RABGAP1L: variants seen among roughly 807,000 people sequenced by gnomAD.
The protein encoded by RABGAP1L is rab GTPase-activating protein 1-like.
Under a neutral mutation model 137.7 loss-of-function variants are expected in RABGAP1L, and 63 were observed. That is an observed-to-expected ratio of 0.46 (90% CI 0.37 to 0.56). The LOEUF is 0.56. Among genes scored for constraint, RABGAP1L ranks in the 20% least tolerant of loss-of-function variants. RABGAP1L has a pLI of 0.00. For synonymous variants in RABGAP1L, 431 were observed against 433.7 expected, an observed-to-expected ratio of 0.99 and a Z score of 0.08; for missense variants, 1,095 against 1,244.0, an observed-to-expected ratio of 0.88 and a Z score of 1.80.
In RABGAP1L at chr1:174,436,407, C is replaced by G. The variant is rs538356236; in HGVS notation, c.1710+42262C>G. Among the ~76,000 whole-genome samples the G allele has an allele frequency of 2.0e-3, 298 of 152,232 alleles. 4 individuals are homozygous for G. Among genetic ancestry groups the G allele is most frequent in the East Asian group, 0.019 (97 of 5,172 alleles). ...GATTTGCATTTCTCTGATGGCCAGT[C>G]ATGATGAGCATTTTTTCATGTGTTT... On this transcript the variant is annotated intron_variant, in intron 13 of 25. Coordinates refer to ENST00000681986, the MANE Select transcript of RABGAP1L (RefSeq NM_001366446.1).
chr1:174,943,919 A>G (rs1008604695), intron 19 of RABGAP1L, among the ~76,000 whole-genome samples: 1 of 152,202 alleles, frequency 6.6e-6, no homozygotes, highest in African/African-American at 2.4e-5. Flanking sequence ...TACCTGCTAC[A>G]TAGTAAATAG....
At position 174,477,705 on chromosome 1, in the gene RABGAP1L, C is replaced by G. The variant is rs547978193; in HGVS notation, c.1710+83560C>G. ...ACAACATTGTAGTGTGCAATAGGAA[C>G]CCTTATATAATGTGTGAAATGGTAA... On this transcript the variant is annotated intron_variant, in intron 13 of 25. Transcript: ENST00000681986. Among the ~76,000 whole-genome samples the G allele has an allele frequency of 2.6e-5, 4 of 152,052 alleles. No individual in the cohort carries two copies. In the East Asian group the frequency reaches 7.7e-4, roughly 29 times the overall value.
At chr1:174,980,264 A>G (rs1670981462) in intron 23 of RABGAP1L, among the ~76,000 whole-genome samples, 1 of 152,204 alleles carries the variant, frequency 6.6e-6, no homozygotes, top group Non-Finnish European at 1.5e-5. Context: ...ACGATTGATA[A>G]ATAAAACTTT....
intron 17 of RABGAP1L, among the ~76,000 whole-genome samples, chr1:174,727,025 C>T (rs532061154): frequency 3.3e-5 from 5 of 152,188 alleles, no homozygotes; most frequent in African/African-American, 1.2e-4. Context: ...TCCTCAGGCA[C>T]CTTTCTTGTA....
intron 19 of RABGAP1L, among the ~76,000 whole-genome samples, chr1:174,922,607 C>G (rs987877140): frequency 1.3e-5 from 2 of 152,104 alleles, no homozygotes; most frequent in African/African-American, 4.8e-5. Context: ...TGAATAAGGA[C>G]CAGGCCTTTG....
chr1:174,856,279 C>G (rs527741111), intron 19 of RABGAP1L, among the ~76,000 whole-genome samples: 14 of 152,058 alleles, frequency 9.2e-5, no homozygotes, highest in African/African-American at 3.4e-4. Flanking sequence ...ACCTGTAGTC[C>G]CAGCTACTCG....
chr1:174,231,172 CAGG>C lies in RABGAP1L; in HGVS notation c.360_362del (p.Gly122del), dbSNP rs1343161965. The C allele has an allele frequency of 1.2e-6, 2 of 1,612,764 alleles. No homozygotes were observed. Among genetic ancestry groups the C allele is most frequent in the South Asian group, 2.2e-5 (2 of 90,990 alleles). Reference sequence around the variant, plus strand: ...ATTTCTACACCCAGACCATCTTCTCCAGGTGGACTACCTGAAGAAGATAGTGTT... The same window carrying C: ...ATTTCTACACCCAGACCATCTTCTCCTGGACTACCTGAAGAAGATAGTGTT... On this transcript the variant is annotated inframe_deletion, in exon 4 of 26. Coordinates refer to ENST00000681986, the MANE Select transcript of RABGAP1L (RefSeq NM_001366446.1).
At chr1:174,425,598 A>G (rs1005102381) in intron 13 of RABGAP1L, among the ~76,000 whole-genome samples, 4 of 152,088 alleles carry the variant, frequency 2.6e-5, no homozygotes, top group Admixed American at 1.3e-4. Flanking sequence ...TTATACTAAC[A>G]GAGTTTTATA....
At chr1:174,459,632 C>T (rs1656442054) in intron 13 of RABGAP1L, among the ~76,000 whole-genome samples, 1 of 152,064 alleles carries the variant, frequency 6.6e-6, no homozygotes, top group African/African-American at 2.4e-5. Context: ...TGTACAAATA[C>T]ATTTCAAGTA....
chr1:174,489,560 A>G (rs1191878621), intron 13 of RABGAP1L, among the ~76,000 whole-genome samples: 1 of 151,052 alleles, frequency 6.6e-6, no homozygotes, highest in Non-Finnish European at 1.5e-5. Flanking sequence ...GAGAAATAGG[A>G]ACACTTTTAT....
At chr1:174,275,686 G>C (rs1674937553) in intron 8 of RABGAP1L, 147 bp from the exon 9 acceptor site, 2 of 476,700 alleles carry the variant, frequency 4.2e-6, no homozygotes, top group Non-Finnish European at 7.4e-6. Context: ...GCTTTTGTAG[G>C]ATGAAAAGAA....
At chr1:174,941,279 C>G (rs769499904) in intron 19 of RABGAP1L, among the ~76,000 whole-genome samples, 2 of 152,152 alleles carry the variant, frequency 1.3e-5, no homozygotes, top group Non-Finnish European at 2.9e-5. Context: ...GAGTGATTAA[C>G]ATTTGAAACA....
chr1:174,987,478 T>C (rs1307724421), intron 24 of RABGAP1L, among the ~76,000 whole-genome samples: 1 of 152,072 alleles, frequency 6.6e-6, no homozygotes, highest in Non-Finnish European at 1.5e-5. Flanking sequence ...GAGGAAGAAA[T>C]TAATGGTCAG....
chr1:174,738,498 C>T (rs1388783916), intron 17 of RABGAP1L, among the ~76,000 whole-genome samples: 3 of 152,082 alleles, frequency 2.0e-5, no homozygotes, highest in Admixed American at 2.0e-4. Context: ...GTGGGTGGCA[C>T]TAAAATACAG....
chr1:174,348,328 T>C (rs115058074), intron 11 of RABGAP1L, among the ~76,000 whole-genome samples: 8,514 of 148,126 alleles, frequency 0.057, 803 homozygotes, highest in African/African-American at 0.2. Context: ...GCAAAAACTG[T>C]GATTACTTTT....
intron 13 of RABGAP1L, among the ~76,000 whole-genome samples, chr1:174,543,411 T>A (rs1354803969): frequency 6.6e-6 from 1 of 150,928 alleles, no homozygotes; most frequent in Admixed American, 6.6e-5. Flanking sequence ...AGACTAGGAT[T>A]GCAACCCCTG....
intron 1 of RABGAP1L, among the ~76,000 whole-genome samples, chr1:174,188,768 A>G (rs2148327921): frequency 6.6e-6 from 1 of 152,332 alleles, no homozygotes; most frequent in African/African-American, 2.4e-5. Context: ...AATACTCAGT[A>G]AACAGTGCTC....
intron 13 of RABGAP1L, among the ~76,000 whole-genome samples, chr1:174,609,477 G>C (rs2148202327): frequency 6.6e-6 from 1 of 152,216 alleles, no homozygotes; most frequent in East Asian, 1.9e-4. Context: ...GATTAAAGGG[G>C]TAGAAGGGAA....
At chr1:174,212,580 A>G (rs1478262300) in intron 1 of RABGAP1L, among the ~76,000 whole-genome samples, 1 of 151,902 alleles carries the variant, frequency 6.6e-6, no homozygotes, top group Non-Finnish European at 1.5e-5. Flanking sequence ...AAGTGCCTAC[A>G]TCAAAAAAGA....
Sources: gnomAD v4.1 joint callset for allele counts (sites outside exome capture counted in the v4.1 genomes callset) on GRCh38, gnomAD v4.1.1 for gene constraint, MANE v1.5 for transcripts, NCBI Gene and HGNC (gene_info 2026-07-23, HGNC 2026-07-21) for gene names.